The following EVC2 variants were observed in gnomAD, a reference collection of about 807,000 sequenced individuals.
EVC2 encodes the protein EvC ciliary complex subunit 2, also known as limbin.
EVC2 carries 148 observed loss-of-function variants against 149.3 expected under a neutral mutation model. That is an observed-to-expected ratio of 0.99 (90% CI 0.87 to 1.14). The LOEUF is 1.14. Among genes scored for constraint, EVC2 ranks in the 50% most tolerant of loss-of-function variants. The probability of loss-of-function intolerance (pLI) is 0.00; values close to 1 mark genes in which losing one functional copy is unlikely to be tolerated. For missense variants in EVC2, 1,854 were observed against 1,627.3 expected (o/e 1.14, Z -2.40); for synonymous variants, 776 against 649.9 (o/e 1.19, Z -2.95).
At chr4:5,668,894 G>A (rs913500733) in intron 7 of EVC2, among the ~76,000 whole-genome samples, 11 of 152,188 alleles carry the variant, frequency 7.2e-5, no homozygotes, top group African/African-American at 2.7e-4. Flanking sequence ...ACTTTATTTA[G>A]AAATTGTCTT....
chr4:5,692,644 G>A (rs1204621721), intron 3 of EVC2, among the ~76,000 whole-genome samples: 1 of 150,952 alleles, frequency 6.6e-6, no homozygotes, highest in Non-Finnish European at 1.5e-5. Flanking sequence ...GAGGCGGGTG[G>A]ATCATGAGGT....
downstream of EVC2, among the ~76,000 whole-genome samples, chr4:5,541,546 G>A (rs370060232): frequency 3.9e-5 from 6 of 152,114 alleles, no homozygotes; most frequent in East Asian, 1.9e-4. Context: ...CTTTCCCTCC[G>A]TACATGTTTG....
chr4:5,616,047 C>T (rs955583834), intron 15 of EVC2, among the ~76,000 whole-genome samples: 25 of 152,320 alleles, frequency 1.6e-4, no homozygotes, highest in African/African-American at 5.3e-4. Flanking sequence ...GAGGGGATAG[C>T]CCTAGAGAGG....
chr4:5,555,346 C>A (rs1721819202), intron 21 of EVC2, among the ~76,000 whole-genome samples: 1 of 152,092 alleles, frequency 6.6e-6, no homozygotes, highest in Non-Finnish European at 1.5e-5. Context: ...CTAAAAACAT[C>A]TATTAGAGAT....
chr4:5,667,232 A>G (rs2108902427), intron 7 of EVC2, among the ~76,000 whole-genome samples: 1 of 152,244 alleles, frequency 6.6e-6, no homozygotes, highest in South Asian at 2.1e-4. Context: ...TGTAAATTAT[A>G]AAGAAAATCC....
intron 16 of EVC2, among the ~76,000 whole-genome samples, chr4:5,596,824 T>C (rs1441393288): frequency 6.6e-6 from 1 of 151,966 alleles, no homozygotes; most frequent in Admixed American, 6.6e-5. Context: ...CTAGCAAGAC[T>C]AATAAAGAAG....
chr4:5,627,877 T>C (rs1037412722), intron 12 of EVC2, among the ~76,000 whole-genome samples: 24 of 152,150 alleles, frequency 1.6e-4, no homozygotes, highest in African/African-American at 5.6e-4. Context: ...ACATGGTCCA[T>C]GTGAGCCTCA....
In EVC2 at chr4:5,706,321, C is replaced by CTTAG. The variant is rs1722132097; in HGVS notation, c.228+1964_228+1965insCTAA. ...AGATAGATACATAGATAGATAGATACATAGATAGATAGATAGATACATAGA... is the reference window on the plus strand; with the variant it reads ...AGATAGATACATAGATAGATAGATACTTAGATAGATAGATAGATAGATACATAGA... On this transcript the variant is annotated intron_variant, in intron 1 of 21. Transcript: ENST00000344408. Among the ~76,000 whole-genome samples the CTTAG allele has an allele frequency of 1.9e-3, 51 of 26,554 alleles. 4 individuals are homozygous for CTTAG. Among genetic ancestry groups the CTTAG allele is most frequent in the African/African-American group, 7.5e-3 (47 of 6,300 alleles). 17.4% of individuals were successfully genotyped at this position (26,554 alleles called of 152,430 possible). A position where few individuals can be genotyped will look rare whatever the true frequency, so the allele number is the denominator to read the frequency against.
rs144407711 is a variant in EVC2, at chr4:5,702,936, C to G, written c.229-5289G>C. ...ATTAAACCAGAAAATAAATGTAAAG[C>G]TTAGCATAGTAACAGAGTATTTACC... On this transcript the variant is annotated intron_variant, in intron 1 of 21. Transcript: ENST00000344408. Among the ~76,000 whole-genome samples, 6 of 152,246 alleles carry G rather than the reference C, an allele frequency of 3.9e-5. No individual in the cohort carries two copies. The East Asian group carries it at 1.2e-3, about 29-fold the overall frequency.
At chr4:5,644,691 C>T (rs1479939900) in intron 9 of EVC2, among the ~76,000 whole-genome samples, 2 of 152,148 alleles carry the variant, frequency 1.3e-5, no homozygotes, top group African/African-American at 4.8e-5. Context: ...TACCCCTTCC[C>T]ATACCTGGGC....
chr4:5,644,846 C>G (rs903977133), intron 9 of EVC2, among the ~76,000 whole-genome samples: 30 of 152,132 alleles, frequency 2.0e-4, no homozygotes, highest in African/African-American at 7.0e-4. Flanking sequence ...CATGTTGCTT[C>G]AAATAATAGG....
downstream of EVC2, among the ~76,000 whole-genome samples, chr4:5,538,572 A>G (rs1721460846): frequency 6.6e-6 from 1 of 152,174 alleles, no homozygotes; most frequent in South Asian, 2.1e-4. Context: ...ATTCTTAACA[A>G]AATTTTAGCA....
chr4:5,592,112 T>G (rs1442586592), intron 16 of EVC2, among the ~76,000 whole-genome samples: 1 of 152,220 alleles, frequency 6.6e-6, no homozygotes, highest in Non-Finnish European at 1.5e-5. Context: ...GTGAGCTAGC[T>G]AGGTGCCTAA....
chr4:5,585,477 G>A (rs747160474), intron 16 of EVC2, among the ~76,000 whole-genome samples: 43 of 152,146 alleles, frequency 2.8e-4, no homozygotes, highest in Non-Finnish European at 5.4e-4. Context: ...CAGGTGCCCA[G>A]GGTTTACTTG....
At chr4:5,632,792 C>A (rs1432543091) in intron 10 of EVC2, among the ~76,000 whole-genome samples, 1 of 152,104 alleles carries the variant, frequency 6.6e-6, no homozygotes, top group African/African-American at 2.4e-5. Context: ...GGCCTCCCCC[C>A]AATTATCTCA....
chr4:5,533,656 T>C, the EVC2 span, among the ~76,000 whole-genome samples: 1 of 152,186 alleles, frequency 6.6e-6, no homozygotes, highest in Non-Finnish European at 1.5e-5. Flanking sequence ...TAAGAGCTTG[T>C]TCCCCTGCAC....
In EVC2 at chr4:5,685,481, T is replaced by C. The variant is rs1302074641; in HGVS notation, c.707-2A>G. The C allele has an allele frequency of 1.2e-6, 2 of 1,613,798 alleles. No homozygotes were observed. Among genetic ancestry groups the C allele is most frequent in the Non-Finnish European group, 1.7e-6 (2 of 1,179,916 alleles). ...AGCTGACAGCAAAGGCATCTCCCACTGCGCAGAGAAAAGCACATGTGACTC... is the reference window on the plus strand; with the variant it reads ...AGCTGACAGCAAAGGCATCTCCCACCGCGCAGAGAAAAGCACATGTGACTC... On this transcript the variant is annotated splice_acceptor_variant, in intron 5 of 21. Coordinates refer to ENST00000344408, the MANE Select transcript of EVC2 (RefSeq NM_147127.5). LOFTEE classifies it high-confidence loss of function.
rs554403748 is a variant in EVC2, at chr4:5,633,160, T to C, written c.1471-1128A>G. Among the ~76,000 whole-genome samples the C allele has an allele frequency of 1.3e-5, 2 of 152,288 alleles. No individual in the cohort carries two copies. Among genetic ancestry groups the C allele is most frequent in the African/African-American group, 4.8e-5 (2 of 41,570 alleles). Reference sequence around the variant, plus strand: ...CCAAACAGCCAGGCTGTAAACTGTCTCCGCAGAAGGGAAACTTCTAGGAGC... The same window carrying C: ...CCAAACAGCCAGGCTGTAAACTGTCCCCGCAGAAGGGAAACTTCTAGGAGC... On this transcript the variant is annotated intron_variant, in intron 10 of 21. Coordinates refer to ENST00000344408, the MANE Select transcript of EVC2 (RefSeq NM_147127.5). The surrounding 1 kb of genome is among the most constrained non-coding windows in gnomAD (Gnocchi z 4.4).
chr4:5,550,676 C>T (rs1232429637), intron 21 of EVC2, among the ~76,000 whole-genome samples: 2 of 152,210 alleles, frequency 1.3e-5, no homozygotes, highest in Non-Finnish European at 2.9e-5. Flanking sequence ...AATGAGGAGC[C>T]CAATGTTAAT....
Sources: allele counts gnomAD v4.1 joint callset (sites outside exome capture counted in the v4.1 genomes callset), GRCh38; gene constraint gnomAD v4.1.1; non-coding constraint Gnocchi (gnomAD v3.1); transcripts MANE v1.5; gene names NCBI Gene and HGNC (gene_info 2026-07-23, HGNC 2026-07-21).